Variants in GLI2 observed in about 807,000 individuals in gnomAD.
GLI2 encodes transcription activator GLI2.
A neutral mutation model predicts 78.9 loss-of-function variants in GLI2; 22 were observed. The observed-to-expected ratio is 0.28, with a 90% CI of 0.20 to 0.40. The LOEUF (loss-of-function observed/expected upper bound fraction) is 0.40. Ranked by LOEUF, GLI2 falls within the 10% of genes least tolerant of loss-of-function variation. The probability of loss-of-function intolerance (pLI) is 1.00; values close to 1 mark genes in which losing one functional copy is unlikely to be tolerated. For synonymous variants in GLI2, 974 were observed against 963.7 expected (o/e 1.01, Z -0.20); for missense variants, 2,097 against 2,213.2 (o/e 0.95, Z 1.05).
At chr2:120,839,278 G>C (rs551997426) in intron 2 of GLI2, among the ~76,000 whole-genome samples, 1 of 152,248 alleles carries the variant, frequency 6.6e-6, no homozygotes, top group African/African-American at 2.4e-5. Flanking sequence ...TACAAAGTTT[G>C]GAAAAACCCA....
At chr2:120,972,135 C>T in intron 8 of GLI2, 72 bp downstream of exon 8, 1 of 1,560,178 alleles carries the variant, frequency 6.4e-7, no homozygotes, top group Non-Finnish European at 8.8e-7. Flanking sequence ...GGGCTGTACC[C>T]TTGGTGGTGA....
chr2:120,774,694 GGCCAGAGGGGA>G (rs1415990247), intron 1 of GLI2, among the ~76,000 whole-genome samples: 1 of 152,192 alleles, frequency 6.6e-6, no homozygotes, highest in Admixed American at 6.5e-5. Flanking sequence ...GGGAAAAGCT[GGCCAGAGGGGA>G]GCAGCAGCTG....
intron 2 of GLI2, among the ~76,000 whole-genome samples, chr2:120,827,048 G>A (rs569959269): frequency 6.6e-6 from 1 of 152,292 alleles, no homozygotes; most frequent in African/African-American, 2.4e-5. Context: ...TGTGTCCCCA[G>A]CTCCTAGAAC....
intron 1 of GLI2, among the ~76,000 whole-genome samples, chr2:120,774,210 A>G (rs906146502): frequency 2.0e-5 from 3 of 152,140 alleles, no homozygotes; most frequent in Non-Finnish European, 4.4e-5. Context: ...CAAGTGAAAG[A>G]TGCTCTGCTG....
At chr2:120,781,927 A>G (rs1683861080) in intron 1 of GLI2, among the ~76,000 whole-genome samples, 1 of 152,080 alleles carries the variant, frequency 6.6e-6, no homozygotes, top group Non-Finnish European at 1.5e-5. Flanking sequence ...ATAACTCAAA[A>G]TCCCATTATT....
At chr2:120,964,366 T>G (rs1202806005) in intron 5 of GLI2, among the ~76,000 whole-genome samples, 2 of 152,186 alleles carry the variant, frequency 1.3e-5, no homozygotes, top group Non-Finnish European at 2.9e-5. Context: ...TGGGGATTTT[T>G]GGAAAGTTTT....
At chr2:120,934,194 C>G (rs1312819971) in intron 3 of GLI2, among the ~76,000 whole-genome samples, 1 of 152,238 alleles carries the variant, frequency 6.6e-6, no homozygotes, top group Non-Finnish European at 1.5e-5. Context: ...GGACTCATCA[C>G]TGACAGCGCC....
At chr2:120,880,402 A>G (rs946302116) in intron 2 of GLI2, among the ~76,000 whole-genome samples, 2 of 152,190 alleles carry the variant, frequency 1.3e-5, no homozygotes, top group African/African-American at 4.8e-5. Context: ...TCCCCACCGA[A>G]GTCCAGCCTC....
chr2:120,839,927 G>A (rs1000283384), intron 2 of GLI2, among the ~76,000 whole-genome samples: 6 of 152,068 alleles, frequency 3.9e-5, no homozygotes, highest in African/African-American at 1.2e-4. Flanking sequence ...TCTCTTTCTC[G>A]TTTCTTTGTT....
At chr2:120,960,709 GA>G (rs1487378236) in intron 5 of GLI2, among the ~76,000 whole-genome samples, 2 of 152,224 alleles carry the variant, frequency 1.3e-5, no homozygotes, top group African/African-American at 2.4e-5. Flanking sequence ...AGTGGTGGAA[GA>G]AAGGCCAGAA....
At chr2:120,770,666 A>G (rs1205669018) in intron 1 of GLI2, among the ~76,000 whole-genome samples, 1 of 152,228 alleles carries the variant, frequency 6.6e-6, no homozygotes, top group Non-Finnish European at 1.5e-5. Flanking sequence ...TGGGCAAGGC[A>G]GTGAACCTCA....
chr2:120,778,286 C>T (rs1189612295), intron 1 of GLI2, among the ~76,000 whole-genome samples: 2 of 152,144 alleles, frequency 1.3e-5, no homozygotes, highest in Non-Finnish European at 1.5e-5. Context: ...GGCTTCCTGG[C>T]CCACTCCTCC....
rs970886133 is a variant in GLI2 at position 120,737,408 on chromosome 2, C to T, written c.-31+1123C>T. Among the ~76,000 whole-genome samples the T allele has an allele frequency of 2.6e-5, 4 of 152,136 alleles. No homozygotes were observed. The highest frequency in any genetic ancestry group is 9.7e-5 in the African/African-American group (4 of 41,436). On this transcript the variant is annotated intron_variant, in intron 1 of 13. Transcript: ENST00000361492. This position sits in a 1 kb window ranked among gnomAD's most constrained non-coding sequence, Gnocchi z 4.3. ...CGGTCGCTGAGGCTCTCGGGGACCTCGAGCCCCCCCGAGGGTGCCTCTTTC... is the reference window on the plus strand; with the variant it reads ...CGGTCGCTGAGGCTCTCGGGGACCTTGAGCCCCCCCGAGGGTGCCTCTTTC...
chr2:120,951,195 G>T, intron 3 of GLI2, 48 bp from the exon 4 acceptor site: 1 of 1,103,794 alleles, frequency 9.1e-7, no homozygotes, highest in South Asian at 1.2e-5. Context: ...TCTTGGTGGG[G>T]TTCCCTCTGT....
chr2:120,898,589 C>T (rs549006262), intron 2 of GLI2, among the ~76,000 whole-genome samples: 20 of 152,192 alleles, frequency 1.3e-4, no homozygotes, highest in African/African-American at 3.9e-4. Context: ...TATCACCACC[C>T]GGCTCTGGGT....
At chr2:120,932,898 A>G (rs1438476652) in intron 3 of GLI2, among the ~76,000 whole-genome samples, 1 of 152,022 alleles carries the variant, frequency 6.6e-6, no homozygotes. Context: ...GGGCTGAAGG[A>G]GTGCTGTGGT....
At chr2:120,805,381 G>A (rs1684902602) in intron 2 of GLI2, among the ~76,000 whole-genome samples, 1 of 152,244 alleles carries the variant, frequency 6.6e-6, no homozygotes, top group Non-Finnish European at 1.5e-5. Flanking sequence ...TGGAATGACA[G>A]TGTCAGAGGA....
At chr2:120,911,882 CAAGGCTGTCATTTGACCCTGGGGCTGG>C (rs1678840724) in intron 2 of GLI2, among the ~76,000 whole-genome samples, 1 of 152,034 alleles carries the variant, frequency 6.6e-6, no homozygotes, top group Non-Finnish European at 1.5e-5. Context: ...ATGGGGTCTG[CAAGGCTGTCATTTGACCCTGGGGCTGG>C]GAGAGTCTGT....
At chr2:120,862,512 C>A (rs987854407) in intron 2 of GLI2, among the ~76,000 whole-genome samples, 1 of 152,106 alleles carries the variant, frequency 6.6e-6, no homozygotes, top group African/African-American at 2.4e-5. Flanking sequence ...CTGAGCTGTG[C>A]GTGACCCCGT....
Sources: gnomAD v4.1 joint callset for allele counts (sites outside exome capture counted in the v4.1 genomes callset) on GRCh38, gnomAD v4.1.1 for gene constraint, Gnocchi (gnomAD v3.1) non-coding constraint, MANE v1.5 for transcripts, NCBI Gene and HGNC (gene_info 2026-07-23, HGNC 2026-07-21) for gene names.